The following ARHGAP35 variants were observed in gnomAD, a reference collection of about 807,000 sequenced individuals.
ARHGAP35 encodes the protein Rho GTPase activating protein 35, also known as rho GTPase-activating protein 35.
Under a neutral mutation model 111.1 loss-of-function variants are expected in ARHGAP35, and 15 were observed. The ratio of observed to expected loss-of-function variants is 0.13; its 90% CI spans 0.09 to 0.21. The LOEUF (loss-of-function observed/expected upper bound fraction) is 0.21, where lower values mean the gene tolerates loss of function less well. Among genes scored for constraint, ARHGAP35 ranks in the 10% least tolerant of loss-of-function variants. The pLI is 1.00. For synonymous variants in ARHGAP35, 643 were observed against 710.3 expected (o/e 0.91, Z 1.51); for missense variants, 1,262 against 1,873.0 (o/e 0.67, Z 6.02).
At chr19:46,962,222 C>T (rs1283322132) in intron 3 of ARHGAP35, among the ~76,000 whole-genome samples, 1 of 152,190 alleles carries the variant, frequency 6.6e-6, no homozygotes, top group East Asian at 1.9e-4. Context: ...AGCCTCTAGT[C>T]CCAACTCTTC....
In ARHGAP35 at chr19:46,988,111, G is replaced by A. The variant is rs1171423801; in HGVS notation, c.3904+45G>A. 6.3e-7 allele frequency: 1 copy of A among 1,581,330 alleles called. No homozygotes were observed. Among genetic ancestry groups the A allele is most frequent in the Non-Finnish European group, 8.7e-7 (1 of 1,155,604 alleles). ...GGCATCCGAGGCCAGAGCTGGTCAA[G>A]GCAGACACAGCTGCCTCGGTGAACT... On this transcript the variant is annotated intron_variant, in intron 4 of 6. Coordinates refer to ENST00000672722, the MANE Select transcript of ARHGAP35 (RefSeq NM_004491.5). The surrounding 1 kb of genome is among the most constrained non-coding windows in gnomAD (Gnocchi z 5.4).
chr19:46,885,765 G>A (rs182349055), intron 1 of ARHGAP35, among the ~76,000 whole-genome samples: 1 of 151,974 alleles, frequency 6.6e-6, no homozygotes, highest in African/African-American at 2.4e-5. Flanking sequence ...TTTTTAGTGA[G>A]GTCCTAATTG....
intron 1 of ARHGAP35, among the ~76,000 whole-genome samples, chr19:46,894,452 T>G (rs1018641789): frequency 3.3e-5 from 5 of 149,372 alleles, no homozygotes; most frequent in East Asian, 3.9e-4. Context: ...TTGGTTTTTT[T>G]TTTTTTTTTT....
At chr19:46,912,790 C>T (rs1261209168) in intron 1 of ARHGAP35, among the ~76,000 whole-genome samples, 2 of 151,824 alleles carry the variant, frequency 1.3e-5, no homozygotes, top group Admixed American at 6.6e-5. Context: ...TTTCTTGTTC[C>T]ACCCCTCCCA....
At chr19:46,929,703 C>T (rs900875773) in intron 2 of ARHGAP35, among the ~76,000 whole-genome samples, 2 of 145,312 alleles carry the variant, frequency 1.4e-5, no homozygotes, top group Non-Finnish European at 1.5e-5. Context: ...CACTTGAGGT[C>T]GGGAGTTCAA....
intron 1 of ARHGAP35, among the ~76,000 whole-genome samples, chr19:46,895,482 A>G (rs2056049809): frequency 6.6e-6 from 1 of 152,188 alleles, no homozygotes; most frequent in South Asian, 2.1e-4. Flanking sequence ...ATCTTATAGC[A>G]TCTTATCCCT....
intron 1 of ARHGAP35, among the ~76,000 whole-genome samples, chr19:46,899,945 A>C (rs1231835086): frequency 6.6e-6 from 1 of 152,144 alleles, no homozygotes; most frequent in Non-Finnish European, 1.5e-5. Context: ...CATTCAAAAC[A>C]AGCTTTTAAC....
intron 1 of ARHGAP35, among the ~76,000 whole-genome samples, chr19:46,868,097 A>G (rs1465422768): frequency 6.6e-6 from 1 of 151,996 alleles, no homozygotes; most frequent in Non-Finnish European, 1.5e-5. Flanking sequence ...CGAACTCCTG[A>G]CCTCAGGTGA....
chr19:46,988,444 C>A lies in ARHGAP35; in HGVS notation c.3904+378C>A. On this transcript the variant is annotated intron_variant, in intron 4 of 6. Transcript: ENST00000672722. The surrounding 1 kb of genome is among the most constrained non-coding windows in gnomAD (Gnocchi z 5.4). ...CGGGTTGAGATGTGATCCTGTTTTG[C>A]CAGGGCCTCAGATCTACCCTCCTCA... 32 of 227,842 alleles carry A rather than the reference C, an allele frequency of 1.4e-4. No homozygotes were observed. The East Asian group carries it at 1.9e-3, about 13-fold the overall frequency. The allele number at this position is 227,842 out of a possible 1,614,324, so 14.1% of individuals were successfully genotyped here.
At chr19:46,984,853 G>C (rs1010181276) in intron 3 of ARHGAP35, among the ~76,000 whole-genome samples, 1 of 152,208 alleles carries the variant, frequency 6.6e-6, no homozygotes, top group African/African-American at 2.4e-5. Flanking sequence ...CTCATGCCGG[G>C]GCCGGTGGCC....
chr19:46,956,620 A>G (rs2056440750), intron 3 of ARHGAP35, among the ~76,000 whole-genome samples: 1 of 152,092 alleles, frequency 6.6e-6, no homozygotes, highest in African/African-American at 2.4e-5. Context: ...ATATGCAAAT[A>G]TTCCAAATTC....
chr19:46,900,470 C>T (rs1383224612), intron 1 of ARHGAP35, among the ~76,000 whole-genome samples: 3 of 152,224 alleles, frequency 2.0e-5, no homozygotes, highest in African/African-American at 7.2e-5. Flanking sequence ...ATCCGCCCAC[C>T]TTGGCCTCCC....
chr19:46,966,629 T>TC, intron 3 of ARHGAP35, among the ~76,000 whole-genome samples: 1 of 152,340 alleles, frequency 6.6e-6, no homozygotes, highest in Middle Eastern at 3.4e-3. Flanking sequence ...CTGCTTTTTT[T>TC]CCTCTTCTCT....
chr19:46,872,979 C>T (rs920888491), intron 1 of ARHGAP35, among the ~76,000 whole-genome samples: 6 of 151,988 alleles, frequency 3.9e-5, no homozygotes, highest in African/African-American at 1.4e-4. Context: ...CTCATTTTCT[C>T]CTCACAATAA....
At chr19:46,953,879 C>A (rs1031774984) in intron 3 of ARHGAP35, among the ~76,000 whole-genome samples, 1 of 152,162 alleles carries the variant, frequency 6.6e-6, no homozygotes, top group Non-Finnish European at 1.5e-5. Context: ...CGTGCCTCTG[C>A]GTCGTTGTTA....
chr19:46,912,255 G>A (rs1441036720), intron 1 of ARHGAP35, among the ~76,000 whole-genome samples: 1 of 151,974 alleles, frequency 6.6e-6, no homozygotes, highest in Admixed American at 6.6e-5. Context: ...TGATGGCCAG[G>A]CTGGTCTCAA....
chr19:46,909,246 T>A (rs546349242), intron 1 of ARHGAP35, among the ~76,000 whole-genome samples: 22 of 152,242 alleles, frequency 1.4e-4, no homozygotes, highest in African/African-American at 5.1e-4. Context: ...GAGGCTGCAG[T>A]GAGCTGTGAT....
rs2056418461 is a variant in ARHGAP35 at position 46,952,560 on chromosome 19, GC to G, written c.3826+15154del. ...CGAAACAAACAAAAATCCCAGCTCT[GC>G]CACTTGGCTAAACTCTTTCACATTG... On this transcript the variant is annotated intron_variant, in intron 3 of 6. Transcript: ENST00000672722. Among the ~76,000 whole-genome samples the G allele has an allele frequency of 7.2e-5, 11 of 152,182 alleles. 1 individual carries two copies. The highest frequency in any genetic ancestry group is 7.2e-4 in the Admixed American group (11 of 15,278).
At position 46,994,010 on chromosome 19, in the gene ARHGAP35, G is replaced by A. The variant is rs970366029; in HGVS notation, c.4036+4335G>A. Among the ~76,000 whole-genome samples, 2 of 152,186 alleles carry A rather than the reference G, an allele frequency of 1.3e-5. No individual in the cohort carries two copies. Among genetic ancestry groups the A allele is most frequent in the African/African-American group, 2.4e-5 (1 of 41,442 alleles). On this transcript the variant is annotated intron_variant, in intron 5 of 6. Transcript: ENST00000672722. This position sits in a 1 kb window ranked among gnomAD's most constrained non-coding sequence, Gnocchi z 5.4. ...AGGGAGCAGAGGATGTGAGGATCGG[G>A]CCCTCCACAGTCTGGGTCCTGAGGG... is the stretch of plus-strand genomic sequence containing the variant.
Sources: allele counts gnomAD v4.1 joint callset (sites outside exome capture counted in the v4.1 genomes callset), GRCh38; gene constraint gnomAD v4.1.1; non-coding constraint Gnocchi (gnomAD v3.1); transcripts MANE v1.5; gene names NCBI Gene and HGNC (gene_info 2026-07-23, HGNC 2026-07-21).